TANGO6: variants seen among roughly 807,000 people sequenced by gnomAD.
TANGO6 encodes the protein transport and Golgi organization protein 6 homolog.
TANGO6 carries 90 observed loss-of-function variants against 114.2 expected under a neutral mutation model. The ratio of observed to expected loss-of-function variants is 0.79; its 90% CI spans 0.66 to 0.94. TANGO6 has a LOEUF of 0.94. TANGO6 is among the 40% of genes least tolerant of loss of function. The pLI, the probability that TANGO6 is intolerant of heterozygous loss-of-function variation, is 0.00. For synonymous variants in TANGO6, 477 were observed against 509.8 expected (o/e 0.94, Z 0.87); for missense variants, 1,274 against 1,315.3 (o/e 0.97, Z 0.49).
intron 16 of TANGO6, among the ~76,000 whole-genome samples, chr16:69,028,563 G>A (rs1279418382): frequency 6.6e-6 from 1 of 151,996 alleles, no homozygotes; most frequent in Non-Finnish European, 1.5e-5. Flanking sequence ...AACACGGGAG[G>A]CGGAGTTTGC....
chr16:69,022,967 C>T lies in TANGO6; in HGVS notation c.2982C>T (p.Ser994=), dbSNP rs757601402. The T allele has an allele frequency of 1.0e-4, 159 of 1,597,210 alleles. No individual in the cohort carries two copies. Among genetic ancestry groups the T allele is most frequent in the Non-Finnish European group, 1.3e-4 (154 of 1,174,648 alleles). ...LCQRLDFLLG[S]VVHEVTACLI... ...AGAGGCTGGACTTTCTGCTGGGCTC[C>T]GTGGTCCATGAGGTACTGTATTTTG... is the stretch of plus-strand genomic sequence containing the variant. Residue 994 remains serine, a synonymous_variant, in exon 16 of 18, where the codon TCC becomes TCT. Transcript: ENST00000261778.
Position 69,063,643 on chromosome 16 carries a change from CAAAAAAAAAAAAAA to C in TANGO6, c.3109-19828_3109-19815del, listed in dbSNP as rs770332921. Among the ~76,000 whole-genome samples, 8 of 35,784 alleles carry C rather than the reference CAAAAAAAAAAAAAA, an allele frequency of 2.2e-4. No individual in the cohort carries two copies. The East Asian group carries it at 4.0e-3, about 18-fold the overall frequency. 23.5% of individuals were successfully genotyped at this position (35,784 alleles called of 152,430 possible). A position where few individuals can be genotyped will look rare whatever the true frequency, so the allele number is the denominator to read the frequency against. ...AAAGGCTGCGGTGAGACTCCATCTC[CAAAAAAAAAAAAAA>C]AAAAAAAAAAAAACAAAGTTCTTTG... On this transcript the variant is annotated intron_variant, in intron 17 of 17. Transcript: ENST00000261778.
intron 14 of TANGO6, among the ~76,000 whole-genome samples, chr16:68,941,602 C>T (rs1963354026): frequency 6.6e-6 from 1 of 151,954 alleles, no homozygotes; most frequent in South Asian, 2.1e-4. Context: ...AAAAATTAGC[C>T]AGGCACAGTG....
chr16:68,967,048 A>G (rs1963652919), intron 14 of TANGO6, among the ~76,000 whole-genome samples: 1 of 152,174 alleles, frequency 6.6e-6, no homozygotes, highest in Admixed American at 6.5e-5. Flanking sequence ...CTGGGATTAC[A>G]GGTGTGAGCC....
intron 17 of TANGO6, among the ~76,000 whole-genome samples, chr16:69,041,228 C>T (rs1467635323): frequency 6.6e-6 from 1 of 152,060 alleles, no homozygotes; most frequent in Admixed American, 6.6e-5. Flanking sequence ...AGGCGGATCA[C>T]CTGAGGTCAG....
intron 14 of TANGO6, among the ~76,000 whole-genome samples, chr16:68,969,032 T>G (rs1200716504): frequency 6.6e-6 from 1 of 152,176 alleles, no homozygotes; most frequent in Non-Finnish European, 1.5e-5. Context: ...CAAAAAAAGT[T>G]CAGAATGCGT....
intron 17 of TANGO6, among the ~76,000 whole-genome samples, chr16:69,067,420 G>C (rs1960229825): frequency 6.7e-6 from 1 of 149,568 alleles, no homozygotes; most frequent in South Asian, 2.1e-4. Flanking sequence ...TGAGGCAGGA[G>C]AATCGCTTGA....
intron 16 of TANGO6, among the ~76,000 whole-genome samples, chr16:69,037,968 A>T (rs1959717006): frequency 1.3e-5 from 2 of 152,228 alleles, no homozygotes; most frequent in African/African-American, 4.8e-5. Flanking sequence ...TATAGTTAAA[A>T]TTTCTGCACA....
chr16:68,908,096 C>T (rs1457858091), intron 10 of TANGO6, among the ~76,000 whole-genome samples: 3 of 152,064 alleles, frequency 2.0e-5, no homozygotes, highest in Non-Finnish European at 4.4e-5. Context: ...GTAACTTGTA[C>T]CCCATAATGT....
intron 7 of TANGO6, among the ~76,000 whole-genome samples, chr16:68,892,374 C>T (rs1331611158): frequency 6.6e-6 from 1 of 152,194 alleles, no homozygotes; most frequent in East Asian, 1.9e-4. Flanking sequence ...CCCAGACTGC[C>T]ACTGGGGTTG....
chr16:68,876,189 T>A (rs1962355777), intron 5 of TANGO6, among the ~76,000 whole-genome samples: 2 of 152,080 alleles, frequency 1.3e-5, no homozygotes, highest in Middle Eastern at 3.4e-3. Flanking sequence ...GAGACAGAGT[T>A]TTGCTCTTGT....
Position 68,930,284 on chromosome 16 carries a change from C to T in TANGO6, c.2690C>T (p.Ser897Phe). Reference sequence around the variant, plus strand: ...CATGAAGACACTTTTGTATATCTATCTGCAATTCAGGGTAAGTCAGTCCTG... The same window carrying T: ...CATGAAGACACTTTTGTATATCTATTTGCAATTCAGGGTAAGTCAGTCCTG... The part of the protein sequence containing the change: ...LEHEDTFVYL[S>F]AIQGVALLSD... Residue 897 changes from serine to phenylalanine, a missense_variant, in exon 14 of 18, where the codon TCT becomes TTT. Physicochemically the swap from Ser to Phe is radical, Grantham distance 155. Transcript: ENST00000261778. 1.3e-6 allele frequency: 2 copies of T among 1,554,244 alleles called. No individual in the cohort carries two copies. The highest frequency in any genetic ancestry group is 4.8e-5 in the East Asian group (2 of 41,750).
chr16:68,857,096 G>A (rs1424595974), intron 1 of TANGO6, among the ~76,000 whole-genome samples: 1 of 152,164 alleles, frequency 6.6e-6, no homozygotes, highest in Non-Finnish European at 1.5e-5. Context: ...GCGACAGAGC[G>A]AGACTGTCTC....
At chr16:68,984,343 A>T (rs1300906481) in intron 15 of TANGO6, among the ~76,000 whole-genome samples, 1 of 152,190 alleles carries the variant, frequency 6.6e-6, no homozygotes, top group Non-Finnish European at 1.5e-5. Flanking sequence ...ATATAAATGG[A>T]AATACTAATA....
intron 15 of TANGO6, among the ~76,000 whole-genome samples, chr16:68,994,576 A>ATT (rs766706508): frequency 7.1e-6 from 1 of 141,318 alleles, no homozygotes; most frequent in African/African-American, 2.6e-5. Flanking sequence ...CATTCCTGGG[A>ATT]TTTTTTTTTT....
chr16:68,843,613 C>T lies in TANGO6; in HGVS notation c.-5C>T, dbSNP rs1203899084. The stretch of plus-strand genomic sequence containing the variant: ...GGGTCGCGAGCGTGGTGTTACACTC[C>T]AGTCATGGCGGCCCGACAGGCCGTG... On this transcript the variant is annotated 5_prime_UTR_variant, in exon 1 of 18. Coordinates refer to ENST00000261778, the MANE Select transcript of TANGO6 (RefSeq NM_024562.2). The T allele has an allele frequency of 2.5e-6, 4 of 1,613,080 alleles. No homozygotes were observed. Among genetic ancestry groups the T allele is most frequent in the East Asian group, 2.2e-5 (1 of 44,860 alleles).
In TANGO6 at chr16:69,077,043, GA is replaced by G. The variant is rs1248352391; in HGVS notation, c.3109-6440del. On this transcript the variant is annotated intron_variant, in intron 17 of 17. Coordinates refer to ENST00000261778, the MANE Select transcript of TANGO6 (RefSeq NM_024562.2). ...ACAAGTTGAAAAATAAGATTATTACGAATTTTTTTTTTTTTGGAGACAGGGT... is the reference window on the plus strand; with the variant it reads ...ACAAGTTGAAAAATAAGATTATTACGATTTTTTTTTTTTTGGAGACAGGGT... 5.3e-5 allele frequency among the ~76,000 whole-genome samples: 8 copies of G among 150,566 alleles called. No individual in the cohort carries two copies. The East Asian group carries it at 1.4e-3, about 26-fold the overall frequency.
At chr16:68,862,799 T>C (rs1284284581) in intron 2 of TANGO6, 146 bp from the exon 3 acceptor site, 4 of 675,200 alleles carry the variant, frequency 5.9e-6, no homozygotes, top group African/African-American at 5.3e-5. Flanking sequence ...ATAGTACAGC[T>C]TCCCCCATGT....
At position 68,902,612 on chromosome 16, in the gene TANGO6, A is replaced by G. The variant is rs554903909; in HGVS notation, c.1667+108A>G. ...CTGATAGAAAAGAAACCAGAAACTCAAGTGGCTCAGGTGCCTGCTATTTAT... is the reference window on the plus strand; with the variant it reads ...CTGATAGAAAAGAAACCAGAAACTCGAGTGGCTCAGGTGCCTGCTATTTAT... On this transcript the variant is annotated intron_variant, in intron 9 of 17. Coordinates refer to ENST00000261778, the MANE Select transcript of TANGO6 (RefSeq NM_024562.2). 3.1e-5 allele frequency: 33 copies of G among 1,050,884 alleles called. No individual in the cohort carries two copies. In the East Asian group the frequency reaches 7.6e-4, roughly 24 times the overall value. The allele number at this position is 1,050,884 out of a possible 1,614,324, so 65.1% of individuals were successfully genotyped here.
Sources: allele counts gnomAD v4.1 joint callset (sites outside exome capture counted in the v4.1 genomes callset), GRCh38; gene constraint gnomAD v4.1.1; transcripts MANE v1.5; gene names NCBI Gene and HGNC (gene_info 2026-07-23, HGNC 2026-07-21).